Variants in KLF12 observed in about 807,000 individuals in gnomAD.
KLF12 encodes KLF transcription factor 12, also known as Krueppel-like factor 12.
A neutral mutation model predicts 37.8 loss-of-function variants in KLF12; 9 were observed. That is an observed-to-expected ratio of 0.24 (90% confidence interval 0.14 to 0.42). The LOEUF is 0.42. Among genes scored for constraint, KLF12 ranks in the 10% least tolerant of loss-of-function variants. The probability of loss-of-function intolerance (pLI) is 1.00; values close to 1 mark genes in which losing one functional copy is unlikely to be tolerated. For missense variants in KLF12, 411 were observed against 516.0 expected (o/e 0.80, Z 1.97); for synonymous variants, 208 against 202.1 (o/e 1.03, Z -0.25).
the KLF12 span, among the ~76,000 whole-genome samples, chr13:74,264,035 G>A: frequency 6.6e-6 from 1 of 152,136 alleles, no homozygotes; most frequent in African/African-American, 2.4e-5. Context: ...ATTGTACCTG[G>A]CATAACTGGG....
chr13:73,908,660 C>T (rs975086359), intron 3 of KLF12, among the ~76,000 whole-genome samples: 1 of 151,586 alleles, frequency 6.6e-6, no homozygotes, highest in Non-Finnish European at 1.5e-5. Context: ...TTTGTATTTT[C>T]GTAGAGACAG....
At chr13:73,808,170 G>A (rs7992548) in intron 5 of KLF12, among the ~76,000 whole-genome samples, 92,620 of 151,954 alleles carry the variant, frequency 0.61, 28,349 homozygotes, top group South Asian at 0.65. Context: ...TAATGACCCT[G>A]TTTTATCATC....
At chr13:74,012,754 G>A (rs1476766343) in intron 1 of KLF12, among the ~76,000 whole-genome samples, 2 of 152,178 alleles carry the variant, frequency 1.3e-5, no homozygotes, top group Non-Finnish European at 2.9e-5. Flanking sequence ...AGAAATCACT[G>A]TACACTTAAG....
intron 3 of KLF12, among the ~76,000 whole-genome samples, chr13:73,861,060 T>C (rs984807048): frequency 6.6e-6 from 1 of 152,190 alleles, no homozygotes; most frequent in African/African-American, 2.4e-5. Context: ...CATCTCTCAA[T>C]ATGTCACAGT....
At chr13:73,989,565 G>A (rs1157065134) in intron 2 of KLF12, among the ~76,000 whole-genome samples, 1 of 152,168 alleles carries the variant, frequency 6.6e-6, no homozygotes, top group Non-Finnish European at 1.5e-5. Flanking sequence ...AAGGGGCACT[G>A]CTGTCCAATG....
intron 1 of KLF12, among the ~76,000 whole-genome samples, chr13:74,016,222 C>A (rs537387763): frequency 6.6e-6 from 1 of 152,012 alleles, no homozygotes; most frequent in Non-Finnish European, 1.5e-5. Context: ...CATTTACATG[C>A]GAAAGATATT....
intron 1 of KLF12, among the ~76,000 whole-genome samples, chr13:74,005,301 T>C (rs966252082): frequency 6.6e-6 from 1 of 152,134 alleles, no homozygotes; most frequent in Non-Finnish European, 1.5e-5. Context: ...GATTGAAATA[T>C]AGAAAAATAA....
intron 1 of KLF12, among the ~76,000 whole-genome samples, chr13:74,008,699 C>T (rs1275321438): frequency 6.6e-6 from 1 of 152,152 alleles, no homozygotes; most frequent in Non-Finnish European, 1.5e-5. Context: ...AGTCTCCTTT[C>T]ATTAATAAAG....
Position 73,876,642 on chromosome 13 carries a change from CCTTTTCTTATTTTTTATGTTT to C in KLF12, c.124-30290_124-30270del, listed in dbSNP as rs140159266. Among the ~76,000 whole-genome samples, 1,388 of 152,172 alleles carry C rather than the reference CCTTTTCTTATTTTTTATGTTT, an allele frequency of 9.1e-3. 18 individuals carry two copies. The highest frequency in any genetic ancestry group is 0.013 in the Admixed American group (199 of 15,266). ...TACTTGGCTTTATTTTTACCTTATT[CCTTTTCTTATTTTTTATGTTT>C]CTATTTGTCCTTTTTGTTTAATTTT... On this transcript the variant is annotated intron_variant, in intron 3 of 7. Transcript: ENST00000377669.
intron 4 of KLF12, among the ~76,000 whole-genome samples, chr13:73,836,216 T>C (rs1884427857): frequency 6.6e-6 from 1 of 152,186 alleles, no homozygotes; most frequent in African/African-American, 2.4e-5. Flanking sequence ...TATCAATTAG[T>C]TGTTTTCTAA....
intron 1 of KLF12, among the ~76,000 whole-genome samples, chr13:74,000,788 GCAC>G (rs1892259644): frequency 6.6e-6 from 1 of 152,086 alleles, no homozygotes. Context: ...ATCATTCTGT[GCAC>G]CCAGAGAACA....
chr13:73,697,754 G>A (rs1020806357), intron 7 of KLF12, among the ~76,000 whole-genome samples: 3 of 152,074 alleles, frequency 2.0e-5, no homozygotes, highest in Non-Finnish European at 2.9e-5. Context: ...TAGAGAGAGT[G>A]TAAGGCCTAA....
intron 3 of KLF12, among the ~76,000 whole-genome samples, chr13:73,918,549 A>C (rs887185634): frequency 6.6e-6 from 1 of 152,328 alleles, no homozygotes; most frequent in Admixed American, 6.5e-5. Context: ...CTTGATAAAA[A>C]ATAAACTCCA....
chr13:73,930,021 C>G lies in KLF12; in HGVS notation c.123+13960G>C, dbSNP rs1889591478. Among the ~76,000 whole-genome samples, 5 of 152,210 alleles carry G rather than the reference C, an allele frequency of 3.3e-5. No individual in the cohort carries two copies. In the South Asian group the frequency reaches 1.0e-3, roughly 32 times the overall value. The stretch of plus-strand genomic sequence containing the variant: ...GGCCACTACACACCCTGATCACAAG[C>G]AGGCTGAAAGGTTCTGAGAAATAAA... On this transcript the variant is annotated intron_variant, in intron 3 of 7. Coordinates refer to ENST00000377669, the MANE Select transcript of KLF12 (RefSeq NM_007249.5).
chr13:74,246,430 G>A, the KLF12 span, among the ~76,000 whole-genome samples: 1 of 152,216 alleles, frequency 6.6e-6, no homozygotes, highest in African/African-American at 2.4e-5. Flanking sequence ...GGCATAAAAT[G>A]CAGTGGGCTC....
chr13:74,256,702 G>A, the KLF12 span, among the ~76,000 whole-genome samples: 861 of 151,564 alleles, frequency 5.7e-3, 6 homozygotes, highest in African/African-American at 0.02. Context: ...GTGTGTGTGT[G>A]TGTGTGTGTG....
chr13:73,821,193 T>C (rs1163442010), intron 4 of KLF12, among the ~76,000 whole-genome samples: 1 of 152,002 alleles, frequency 6.6e-6, no homozygotes, highest in African/African-American at 2.4e-5. Context: ...GTTGCTGCCC[T>C]AGGTTTCGCT....
At chr13:73,795,193 T>C (rs1220520272) in intron 5 of KLF12, among the ~76,000 whole-genome samples, 1 of 152,248 alleles carries the variant, frequency 6.6e-6, no homozygotes, top group Non-Finnish European at 1.5e-5. Context: ...CACGCAGACC[T>C]TCCACACTGA....
intron 5 of KLF12, among the ~76,000 whole-genome samples, chr13:73,795,610 T>C (rs987764967): frequency 2.0e-5 from 3 of 152,230 alleles, no homozygotes; most frequent in Non-Finnish European, 4.4e-5. Context: ...CCTAGTTTTA[T>C]GCAATATAAA....
Sources: allele counts gnomAD v4.1 joint callset (sites outside exome capture counted in the v4.1 genomes callset), GRCh38; gene constraint gnomAD v4.1.1; transcripts MANE v1.5; gene names NCBI Gene and HGNC (gene_info 2026-07-23, HGNC 2026-07-21).